Variants in PSPC1 observed in about 807,000 individuals in gnomAD.
PSPC1 encodes paraspeckle component 1.
A neutral mutation model predicts 51.6 loss-of-function variants in PSPC1; 14 were observed. The ratio of observed to expected loss-of-function variants is 0.27; its 90% CI spans 0.18 to 0.42. PSPC1 has a LOEUF of 0.42. PSPC1 is among the 10% of genes least tolerant of loss of function. PSPC1 has a pLI of 1.00. For synonymous variants in PSPC1, 193 were observed against 231.9 expected (o/e 0.83, Z 1.53); for missense variants, 406 against 701.1 (o/e 0.58, Z 4.75).
downstream of PSPC1, chr13:19,673,085 AC>A (rs1269580556): frequency 3.6e-5 from 13 of 360,030 alleles, no homozygotes; most frequent in Admixed American, 2.0e-4. Context: ...TGGAACCTAT[AC>A]GGTTTTTTTT....
At chr13:19,733,226 T>G (rs1475612213) in intron 5 of PSPC1, among the ~76,000 whole-genome samples, 1 of 152,154 alleles carries the variant, frequency 6.6e-6, no homozygotes, top group Non-Finnish European at 1.5e-5. Context: ...AAGAAACACA[T>G]CTGTTACAGA....
intron 6 of PSPC1, among the ~76,000 whole-genome samples, chr13:19,696,575 T>C (rs964211401): frequency 2.6e-5 from 4 of 152,064 alleles, no homozygotes; most frequent in Non-Finnish European, 5.9e-5. Flanking sequence ...TATATACTTA[T>C]GGTCTTGGGA....
At chr13:19,751,200 G>A (rs1264417888) in intron 4 of PSPC1, 71 bp downstream of exon 4, 4 of 1,270,150 alleles carry the variant, frequency 3.1e-6, no homozygotes, top group Admixed American at 2.8e-5. Context: ...TTACACAGTA[G>A]TACATGAATG....
intron 6 of PSPC1, among the ~76,000 whole-genome samples, chr13:19,689,222 A>G (rs1344334431): frequency 6.6e-6 from 1 of 152,218 alleles, no homozygotes; most frequent in Admixed American, 6.5e-5. Context: ...TTCAGACTAG[A>G]GCAGGAAAAG....
chr13:19,711,639 T>TAAAAAAA (rs143917566), intron 6 of PSPC1, among the ~76,000 whole-genome samples: 2 of 80,936 alleles, frequency 2.5e-5, no homozygotes, highest in Admixed American at 1.5e-4. Context: ...CTCCGTCTCA[T>TAAAAAAA]AAAAAAAAAA....
chr13:19,730,948 AAAAAAAAAC>A lies in PSPC1; in HGVS notation c.1053-613_1053-605del, dbSNP rs1883985080. Among the ~76,000 whole-genome samples the A allele has an allele frequency of 7.0e-5, 2 of 28,758 alleles. 1 individual carries two copies. The highest frequency in any genetic ancestry group is 3.6e-4 in the Non-Finnish European group (2 of 5,546). The allele number at this position is 28,758 out of a possible 152,430, so 18.9% of individuals were successfully genotyped here. On this transcript the variant is annotated intron_variant, in intron 5 of 8. Transcript: ENST00000338910. The stretch of plus-strand genomic sequence containing the variant: ...GGCAACAGTGAGACCCTGTCTCAGA[AAAAAAAAAC>A]AAAAAAACAAAAAAAAAAAAAACAG...
At chr13:19,737,369 T>C (rs1884956313) in intron 5 of PSPC1, 1 of 152,234 alleles carries the variant, frequency 6.6e-6, no homozygotes, top group Non-Finnish European at 1.5e-5. Flanking sequence ...CTATCTTTCA[T>C]GAACCTGACA....
chr13:19,690,532 A>G (rs1476620325), intron 6 of PSPC1, among the ~76,000 whole-genome samples: 1 of 152,212 alleles, frequency 6.6e-6, no homozygotes, highest in Non-Finnish European at 1.5e-5. Context: ...ACTCAATTAG[A>G]AAAAGCCTAC....
rs1266997015 is a variant in PSPC1 at position 19,706,734 on chromosome 13, C to T, written c.1217-903G>A. ...TTATCATTAAAAATTCATAACAAAG[C>T]CATTCTAATTTAGAGTTTTCTTCTA... On this transcript the variant is annotated intron_variant, in intron 7 of 8. Transcript: ENST00000338910. Among the ~76,000 whole-genome samples the T allele has an allele frequency of 2.0e-5, 3 of 152,046 alleles. No homozygotes were observed. In the East Asian group the frequency reaches 5.8e-4, roughly 29 times the overall value.
intron 6 of PSPC1, chr13:19,677,984 CTTTTTAA>C (rs1373166567): frequency 3.0e-5 from 10 of 329,858 alleles, no homozygotes; most frequent in African/African-American, 4.4e-5. Context: ...TAAGGATTTT[CTTTTTAA>C]TTCAAAATAC....
downstream of PSPC1, among the ~76,000 whole-genome samples, chr13:19,701,402 T>C (rs1879889495): frequency 6.6e-6 from 1 of 151,476 alleles, no homozygotes; most frequent in Non-Finnish European, 1.5e-5. Context: ...ATACCCCAAT[T>C]AATGTCACAA....
intron 4 of PSPC1, among the ~76,000 whole-genome samples, chr13:19,749,832 A>G (rs1434185186): frequency 2.0e-5 from 3 of 152,074 alleles, no homozygotes; most frequent in Non-Finnish European, 2.9e-5. Flanking sequence ...TCTAAGATAT[A>G]AATGAATTCA....
At chr13:19,769,968 T>C (rs1888467452) in intron 2 of PSPC1, among the ~76,000 whole-genome samples, 1 of 152,204 alleles carries the variant, frequency 6.6e-6, no homozygotes, top group Non-Finnish European at 1.5e-5. Context: ...CAAGAAGCCT[T>C]GTAAACAAAT....
chr13:19,750,305 G>C (rs1308951428), intron 4 of PSPC1, among the ~76,000 whole-genome samples: 1 of 151,946 alleles, frequency 6.6e-6, no homozygotes, highest in Non-Finnish European at 1.5e-5. Context: ...TGTGGTGTGT[G>C]CCTGTAATCC....
Position 19,765,340 on chromosome 13 carries a change from TAA to T in PSPC1, c.675-5924_675-5923del, listed in dbSNP as rs201603554. ...CCCATCTCAAAAATAATAATAATAA[TAA>T]TAATTATTATTATTATTATTATTAC... On this transcript the variant is annotated intron_variant, in intron 2 of 8. Transcript: ENST00000338910. 5.3e-3 allele frequency among the ~76,000 whole-genome samples: 767 copies of T among 145,602 alleles called. 6 individuals are homozygous for T. The highest frequency in any genetic ancestry group is 0.018 in the African/African-American group (723 of 39,494).
chr13:19,700,768 T>A (rs976728977), downstream of PSPC1, among the ~76,000 whole-genome samples: 14 of 151,900 alleles, frequency 9.2e-5, no homozygotes, highest in African/African-American at 3.1e-4. Flanking sequence ...TCATATTACT[T>A]TTTATAAAAA....
At chr13:19,728,253 T>A (rs1039355576) in intron 6 of PSPC1, among the ~76,000 whole-genome samples, 7 of 152,142 alleles carry the variant, frequency 4.6e-5, no homozygotes, top group Admixed American at 4.6e-4. Flanking sequence ...GTCCCATAAC[T>A]CTTAGTTTTG....
At chr13:19,774,737 A>G (rs913162193) in intron 1 of PSPC1, among the ~76,000 whole-genome samples, 7 of 151,050 alleles carry the variant, frequency 4.6e-5, no homozygotes, top group Non-Finnish European at 7.4e-5. Flanking sequence ...CCCAGAAGGC[A>G]GAGGTTGCAG....
At chr13:19,728,411 A>G (rs758818516) in intron 6 of PSPC1, among the ~76,000 whole-genome samples, 13 of 150,664 alleles carry the variant, frequency 8.6e-5, no homozygotes, top group Non-Finnish European at 1.8e-4. Context: ...AAGAGAAAGC[A>G]CATAAGAGGG....
Sources: gnomAD v4.1 joint callset for allele counts (sites outside exome capture counted in the v4.1 genomes callset) on GRCh38, gnomAD v4.1.1 for gene constraint, MANE v1.5 for transcripts, NCBI Gene and HGNC (gene_info 2026-07-23, HGNC 2026-07-21) for gene names.